XPNPEP1: variants seen among roughly 807,000 people sequenced by gnomAD.
XPNPEP1 encodes xaa-Pro aminopeptidase 1.
In XPNPEP1, 39 loss-of-function variants were observed where a neutral mutation model predicts 92.4. The ratio of observed to expected loss-of-function variants is 0.42; its 90% CI spans 0.33 to 0.55. The LOEUF (loss-of-function observed/expected upper bound fraction) is 0.55. Ranked by LOEUF, XPNPEP1 falls within the 20% of genes least tolerant of loss-of-function variation. The pLI is 0.08. For synonymous variants in XPNPEP1, 307 were observed against 299.4 expected (o/e 1.03, Z -0.26); for missense variants, 654 against 856.1 (o/e 0.76, Z 2.95).
intron 19 of XPNPEP1, among the ~76,000 whole-genome samples, chr10:109,868,922 T>C (rs1314482006): frequency 6.6e-6 from 1 of 152,034 alleles, no homozygotes; most frequent in Non-Finnish European, 1.5e-5. Context: ...GCCTGTGCCA[T>C]CAGGAAAGGC....
At chr10:109,904,724 A>G (rs1849462642) in intron 3 of XPNPEP1, among the ~76,000 whole-genome samples, 1 of 152,238 alleles carries the variant, frequency 6.6e-6, no homozygotes, top group Admixed American at 6.5e-5. Flanking sequence ...AATCAAATCT[A>G]CAATGAGCCA....
chr10:109,885,236 C>T (rs3780951), intron 8 of XPNPEP1, among the ~76,000 whole-genome samples: 31,801 of 152,070 alleles, frequency 0.21, 3,844 homozygotes, highest in South Asian at 0.52. Flanking sequence ...TATGGTATAA[C>T]CACATGATGG....
At chr10:109,917,979 G>A (rs1850281714) in intron 1 of XPNPEP1, among the ~76,000 whole-genome samples, 2 of 152,118 alleles carry the variant, frequency 1.3e-5, no homozygotes, top group Non-Finnish European at 2.9e-5. Context: ...CAGGCATGGT[G>A]GTGTGCACCT....
chr10:109,885,345 G>A (rs1246232980), intron 8 of XPNPEP1, among the ~76,000 whole-genome samples: 1 of 152,122 alleles, frequency 6.6e-6, no homozygotes, highest in Non-Finnish European at 1.5e-5. Context: ...ATAGAATATT[G>A]ACACTGATTA....
At chr10:109,922,108 A>G (rs1850574945) in intron 1 of XPNPEP1, among the ~76,000 whole-genome samples, 1 of 152,202 alleles carries the variant, frequency 6.6e-6, no homozygotes, top group South Asian at 2.1e-4. Flanking sequence ...ATTTGAGTTC[A>G]GTTTCCATTA....
At chr10:109,880,385 GGGAAGCTGGT>G (rs1848024452) in intron 11 of XPNPEP1, 147 bp from the exon 12 acceptor site, 1 of 808,358 alleles carries the variant, frequency 1.2e-6, no homozygotes, top group Non-Finnish European at 2.0e-6. Flanking sequence ...GGACATTTCT[GGGAAGCTGGT>G]GTGTGCAGCA....
At chr10:109,896,172 A>C (rs1327037173) in intron 3 of XPNPEP1, among the ~76,000 whole-genome samples, 1 of 152,088 alleles carries the variant, frequency 6.6e-6, no homozygotes, top group Non-Finnish European at 1.5e-5. Flanking sequence ...TTGAGATCAA[A>C]TATCACCTCT....
intron 16 of XPNPEP1, 28 bp from the exon 17 acceptor site, chr10:109,871,889 C>T (rs1487543207): frequency 6.2e-7 from 1 of 1,609,296 alleles, no homozygotes; most frequent in Non-Finnish European, 8.5e-7. Context: ...GGGCATGTTG[C>T]AGAATGGGGA....
At chr10:109,889,075 G>C (rs1188432491) in intron 5 of XPNPEP1, among the ~76,000 whole-genome samples, 1 of 152,218 alleles carries the variant, frequency 6.6e-6, no homozygotes. Flanking sequence ...CAAGGGCAGG[G>C]TGGCCAAGAG....
chr10:109,869,973 C>T lies in XPNPEP1; in HGVS notation c.1753G>A (p.Val585Met). ...CTCACCTTGGTCTTCACAGGAACCA[C>T]AAGGACAACATTCTCAATGCGAATT... is the stretch of plus-strand genomic sequence containing the variant. ...FGIRIENVVLVVPVKTKYNFN... is the reference protein window; with the variant it reads ...FGIRIENVVLMVPVKTKYNFN... The change falls in exon 19 of 21, where the codon GTG becomes ATG. Residue 585 changes from valine (V) to methionine (M), a missense_variant. Transcript: ENST00000502935. 6.2e-7 allele frequency: 1 copy of T among 1,614,144 alleles called. No individual in the cohort carries two copies. Among genetic ancestry groups the T allele is most frequent in the South Asian group, 1.1e-5 (1 of 91,086 alleles).
chr10:109,873,218 G>A lies in XPNPEP1; in HGVS notation c.1452+149C>T, dbSNP rs144510432. ...TCCAATAATTAGTTAAATGAACCTC[G>A]TAAAGCAGATAAGCCTGACTCCACA... On this transcript the variant is annotated intron_variant, in intron 16 of 20. Transcript: ENST00000502935. 651 of 860,380 alleles carry A rather than the reference G, an allele frequency of 7.6e-4. 2 individuals carry two copies. Among genetic ancestry groups the A allele is most frequent in the African/African-American group, 3.1e-3 (182 of 59,358 alleles). 53.3% of individuals were successfully genotyped at this position (860,380 alleles called of 1,614,324 possible). A position where few individuals can be genotyped will look rare whatever the true frequency, so the allele number is the denominator to read the frequency against.
intron 9 of XPNPEP1, 59 bp downstream of exon 9, chr10:109,884,008 G>A: frequency 2.7e-6 from 4 of 1,508,656 alleles, no homozygotes; most frequent in Non-Finnish European, 2.7e-6. Flanking sequence ...ACCAGAAAGG[G>A]CACACTAGGG....
chr10:109,864,931 A>G lies in XPNPEP1; in HGVS notation c.*253T>C, dbSNP rs960692142. 1.8e-5 allele frequency: 9 copies of G among 497,940 alleles called. No individual in the cohort carries two copies. Among genetic ancestry groups the G allele is most frequent in the African/African-American group, 7.8e-5 (4 of 51,362 alleles). 30.8% of individuals were successfully genotyped at this position (497,940 alleles called of 1,614,324 possible). A position where few individuals can be genotyped will look rare whatever the true frequency, so the allele number is the denominator to read the frequency against. ...GCATCTTCCTTTCACCAAGTGTTCA[A>G]CTTTGGAGGGACCCTCCTTCTGGTG... On this transcript the variant is annotated 3_prime_UTR_variant, in exon 21 of 21. Transcript: ENST00000502935.
At chr10:109,865,437 C>T in intron 20 of XPNPEP1, 125 bp from the exon 21 acceptor site, 29 of 1,235,428 alleles carry the variant, frequency 2.3e-5, no homozygotes, top group Non-Finnish European at 2.7e-5. Flanking sequence ...GTGCAACACC[C>T]TTTCTCCTTA....
intron 1 of XPNPEP1, among the ~76,000 whole-genome samples, chr10:109,918,855 GGAGGGAAGGAAGGAAGGAA>G (rs1564798992): frequency 0.077 from 2,295 of 29,624 alleles, 43 homozygotes; most frequent in Non-Finnish European, 0.15. Context: ...AAGGAAGGAA[GGAGGGAAGGAAGGAAGGAA>G]GGAAGGAAGG....
intron 18 of XPNPEP1, among the ~76,000 whole-genome samples, 178 bp from the exon 19 acceptor site, chr10:109,870,207 A>G (rs1486577270): frequency 6.6e-6 from 1 of 152,196 alleles, no homozygotes; most frequent in Non-Finnish European, 1.5e-5. Flanking sequence ...CCACTTTTTT[A>G]TAGGCACTTG....
intron 15 of XPNPEP1, among the ~76,000 whole-genome samples, chr10:109,874,844 G>A (rs896624346): frequency 6.6e-6 from 1 of 152,182 alleles, no homozygotes; most frequent in Non-Finnish European, 1.5e-5. Flanking sequence ...AGCTACTTGG[G>A]AGGCTGAGGC....
At chr10:109,875,447 T>A (rs996104068) in intron 15 of XPNPEP1, 81 bp downstream of exon 15, 14 of 1,279,170 alleles carry the variant, frequency 1.1e-5, no homozygotes, top group Middle Eastern at 2.0e-4. Context: ...AGCTGAGTGC[T>A]CTCAGCTGGA....
rs550240229 is a variant in XPNPEP1, at chr10:109,890,114, C to T, written c.416-1519G>A. Among the ~76,000 whole-genome samples, 17 of 152,292 alleles carry T rather than the reference C, an allele frequency of 1.1e-4. 1 individual carries two copies. The highest frequency in any genetic ancestry group is 5.2e-4 in the Admixed American group (8 of 15,298). ...CCAGAATCTCCCTACACAGAAGACT[C>T]GACTGAGGAAACTAGGAAGGAGCCT... On this transcript the variant is annotated intron_variant, in intron 5 of 20. Transcript: ENST00000502935.
Sources: allele counts gnomAD v4.1 joint callset (sites outside exome capture counted in the v4.1 genomes callset), GRCh38; gene constraint gnomAD v4.1.1; transcripts MANE v1.5; gene names NCBI Gene and HGNC (gene_info 2026-07-23, HGNC 2026-07-21).